Variants in SLC15A4 observed in about 807,000 individuals in gnomAD.
SLC15A4 encodes the protein solute carrier family 15 member 4.
A neutral mutation model predicts 46.1 loss-of-function variants in SLC15A4; 26 were observed. The observed-to-expected ratio is 0.56, with a 90% confidence interval of 0.41 to 0.78. The LOEUF (loss-of-function observed/expected upper bound fraction) is 0.78. SLC15A4 is among the 30% of genes least tolerant of loss of function. The pLI, the probability that SLC15A4 is intolerant of heterozygous loss-of-function variation, is 0.00. For synonymous variants in SLC15A4, 370 were observed against 333.4 expected, an observed-to-expected ratio of 1.11 and a Z score of -1.20; for missense variants, 751 against 755.7, an observed-to-expected ratio of 0.99 and a Z score of 0.07.
intron 7 of SLC15A4, among the ~76,000 whole-genome samples, chr12:128,798,453 G>T (rs1170490051): frequency 6.6e-6 from 1 of 152,224 alleles, no homozygotes; most frequent in Non-Finnish European, 1.5e-5. Context: ...TATACTCATG[G>T]AAGGGCTCTG....
At chr12:128,808,600 T>C (rs544563950) in intron 5 of SLC15A4, among the ~76,000 whole-genome samples, 188 bp downstream of exon 5, 3 of 152,338 alleles carry the variant, frequency 2.0e-5, no homozygotes, top group Admixed American at 1.3e-4. Flanking sequence ...AAAAATGACG[T>C]ATCCTTAGGA....
intron 1 of SLC15A4, among the ~76,000 whole-genome samples, chr12:128,823,178 T>C (rs1037352894): frequency 6.6e-6 from 1 of 152,212 alleles, no homozygotes; most frequent in East Asian, 1.9e-4. Context: ...ACTGTGTGTG[T>C]AGACCTCACC....
chr12:128,819,097 C>T (rs1481742201), intron 1 of SLC15A4, among the ~76,000 whole-genome samples: 1 of 152,176 alleles, frequency 6.6e-6, no homozygotes, highest in Non-Finnish European at 1.5e-5. Flanking sequence ...AGCCTCAGCA[C>T]TTTTTTCTAT....
At chr12:128,806,788 A>G (rs1955594348) in intron 5 of SLC15A4, among the ~76,000 whole-genome samples, 1 of 151,832 alleles carries the variant, frequency 6.6e-6, no homozygotes, top group Admixed American at 6.6e-5. Flanking sequence ...ACTAGGTCAG[A>G]GCGCATGCCT....
At chr12:128,798,900 G>A (rs1210032471) in intron 7 of SLC15A4, among the ~76,000 whole-genome samples, 1 of 151,726 alleles carries the variant, frequency 6.6e-6, no homozygotes, top group Non-Finnish European at 1.5e-5. Context: ...GGAAGCTTGG[G>A]GTACAGATTC....
chr12:128,810,753 G>A (rs891287969), intron 2 of SLC15A4, among the ~76,000 whole-genome samples: 2 of 152,118 alleles, frequency 1.3e-5, no homozygotes, highest in Admixed American at 6.5e-5. Flanking sequence ...CTGACAGTAG[G>A]AAACAGGGAG....
intron 2 of SLC15A4, among the ~76,000 whole-genome samples, chr12:128,810,707 G>C (rs1955645854): frequency 6.6e-6 from 1 of 152,166 alleles, no homozygotes; most frequent in Non-Finnish European, 1.5e-5. Context: ...GGCGGTGCTG[G>C]TGGTGATGAG....
chr12:128,797,808 T>C (rs1955464410), intron 7 of SLC15A4, among the ~76,000 whole-genome samples: 1 of 152,152 alleles, frequency 6.6e-6, no homozygotes, highest in East Asian at 1.9e-4. Context: ...TTTATTTCTC[T>C]ACCCAGGACG....
Position 128,823,378 on chromosome 12 carries a change from C to G in SLC15A4, c.546+20G>C, listed in dbSNP as rs933286226. The G allele has an allele frequency of 4.3e-6, 6 of 1,392,876 alleles. No homozygotes were observed. Among genetic ancestry groups the G allele is most frequent in the Admixed American group, 3.3e-5 (1 of 30,700 alleles). The allele number at this position is 1,392,876 out of a possible 1,614,324, so 86.3% of individuals were successfully genotyped here. On this transcript the variant is annotated intron_variant, in intron 1 of 7. Coordinates refer to ENST00000266771, the MANE Select transcript of SLC15A4 (RefSeq NM_145648.4). ...AGGGGCTGGACAGGGACAGGGACAG[C>G]GCGCGGGGGCGCGGCTCACCTGGTC...
chr12:128,796,040 C>G (rs1322881189), intron 7 of SLC15A4, among the ~76,000 whole-genome samples: 1 of 152,166 alleles, frequency 6.6e-6, no homozygotes, highest in Non-Finnish European at 1.5e-5. Context: ...TTCTGAAGAC[C>G]TTTTTAAAGC....
chr12:128,814,254 TGTATGATGGACCTGACCGCC>T (rs1566055216), intron 2 of SLC15A4: 19 of 71,432 alleles, frequency 2.7e-4, no homozygotes, highest in Middle Eastern at 8.0e-4. Flanking sequence ...ACCTGACCGC[TGTATGATGGACCTGACCGCC>T]GTATGATGGA....
chr12:128,815,269 G>T, intron 1 of SLC15A4, 199 bp from the exon 2 acceptor site: 1 of 395,366 alleles, frequency 2.5e-6, no homozygotes, highest in Non-Finnish European at 4.5e-6. Flanking sequence ...ACAGTTGCTA[G>T]GTAGGTTTCA....
At chr12:128,802,604 G>T (rs4760592) in intron 5 of SLC15A4, among the ~76,000 whole-genome samples, 1 of 152,120 alleles carries the variant, frequency 6.6e-6, no homozygotes, top group East Asian at 1.9e-4. Flanking sequence ...GACAAGGGAA[G>T]GTTACTCATG....
intron 5 of SLC15A4, among the ~76,000 whole-genome samples, chr12:128,804,968 C>T (rs373599444): frequency 2.0e-5 from 3 of 152,322 alleles, no homozygotes; most frequent in East Asian, 3.8e-4. Flanking sequence ...CAGACGCACA[C>T]GTGCTCAATG....
intron 7 of SLC15A4, among the ~76,000 whole-genome samples, chr12:128,798,404 G>A (rs746831925): frequency 6.6e-6 from 1 of 152,198 alleles, no homozygotes; most frequent in Non-Finnish European, 1.5e-5. Context: ...GACATTGGTG[G>A]CTTGGAGTTC....
intron 5 of SLC15A4, among the ~76,000 whole-genome samples, chr12:128,808,318 A>C (rs906585673): frequency 2.6e-5 from 4 of 152,200 alleles, no homozygotes; most frequent in Non-Finnish European, 4.4e-5. Flanking sequence ...ACAATCTAGA[A>C]ACATTTTTGT....
chr12:128,799,607 C>T (rs920001678), intron 6 of SLC15A4, among the ~76,000 whole-genome samples, 190 bp from the exon 7 acceptor site: 2 of 152,200 alleles, frequency 1.3e-5, no homozygotes, highest in Non-Finnish European at 2.9e-5. Flanking sequence ...TATGGGCCAA[C>T]TGTTCATTCT....
Position 128,809,387 on chromosome 12 carries a change from T to C in SLC15A4, c.1089+9A>G. ...ATAACAATGTTCAGATCATTACAAT[T>C]GTTCTTACCGTGTGAGGAGTGGTTG... On this transcript the variant is annotated intron_variant, in intron 4 of 7. Coordinates refer to ENST00000266771, the MANE Select transcript of SLC15A4 (RefSeq NM_145648.4). 6.4e-7 allele frequency: 1 copy of C among 1,560,006 alleles called. No homozygotes were observed. The highest frequency in any genetic ancestry group is 1.7e-4 in the Middle Eastern group (1 of 5,898).
chr12:128,810,140 T>C, intron 2 of SLC15A4, 29 bp from the exon 3 acceptor site: 1 of 1,603,730 alleles, frequency 6.2e-7, no homozygotes, highest in Non-Finnish European at 8.5e-7. Flanking sequence ...AGGAATTAGT[T>C]TTCTTCCCCT....
Sources: gnomAD v4.1 joint callset for allele counts (sites outside exome capture counted in the v4.1 genomes callset) on GRCh38, gnomAD v4.1.1 for gene constraint, MANE v1.5 for transcripts, NCBI Gene and HGNC (gene_info 2026-07-23, HGNC 2026-07-21) for gene names.